The following SLCO3A1 variants were observed in gnomAD, a reference collection of about 807,000 sequenced individuals.
SLCO3A1 encodes the protein PGE1 transporter.
SLCO3A1 carries 27 observed loss-of-function variants against 63.1 expected under a neutral mutation model. The observed-to-expected ratio is 0.43, with a 90% CI of 0.32 to 0.59. The LOEUF is 0.59. SLCO3A1 is among the 20% of genes least tolerant of loss of function. SLCO3A1 has a pLI of 0.09. For missense variants in SLCO3A1, 773 were observed against 945.8 expected (o/e 0.82, Z 2.40); for synonymous variants, 473 against 409.9 (o/e 1.15, Z -1.86).
rs1248316415 is a variant in SLCO3A1, at chr15:91,880,391, C to CTGTGTGTGTG, written c.180+26304_180+26305insGTGTGTGTGT. On this transcript the variant is annotated intron_variant, in intron 1 of 9. Coordinates refer to ENST00000318445, the MANE Select transcript of SLCO3A1 (RefSeq NM_013272.4). ...TACCGGCACTCGTGCTTCTCTCTCT[C>CTGTGTGTGTG]TCTCTCTCTCTCTCTCTCTGTGTGT... Among the ~76,000 whole-genome samples the CTGTGTGTGTG allele has an allele frequency of 2.6e-3, 196 of 74,478 alleles. 2 individuals carry two copies. Among genetic ancestry groups the CTGTGTGTGTG allele is most frequent in the African/African-American group, 0.01 (179 of 17,264 alleles). 48.9% of individuals were successfully genotyped at this position (74,478 alleles called of 152,430 possible).
chr15:92,010,015 C>G (rs571960095), intron 2 of SLCO3A1, among the ~76,000 whole-genome samples: 1 of 152,170 alleles, frequency 6.6e-6, no homozygotes, highest in South Asian at 2.1e-4. Context: ...CTCCTCCCTG[C>G]AATTTCACCG....
rs2048473649 is a variant in SLCO3A1 at position 92,164,151 on chromosome 15, C to T, written c.*1016C>T. On this transcript the variant is annotated 3_prime_UTR_variant, in exon 10 of 10. Transcript: ENST00000318445. ...CCCTTCAAGTCACTAACACAGTTCT[C>T]TAGGCCGGATTTATTATGCTGGTTG... 2 of 984,784 alleles carry T rather than the reference C, an allele frequency of 2.0e-6. No homozygotes were observed. The highest frequency in any genetic ancestry group is 2.4e-6 in the Non-Finnish European group (2 of 829,434). The allele number at this position is 984,784 out of a possible 1,614,324, so 61.0% of individuals were successfully genotyped here. A position where few individuals can be genotyped will look rare whatever the true frequency, so the allele number is the denominator to read the frequency against.
intron 2 of SLCO3A1, among the ~76,000 whole-genome samples, chr15:91,919,122 G>T (rs537452557): frequency 2.0e-5 from 3 of 152,352 alleles, no homozygotes. Flanking sequence ...CGGGTCACCC[G>T]CATTGTGGGT....
chr15:92,162,701 CAG>C (rs1420711518), intron 9 of SLCO3A1, 53 bp from the exon 10 acceptor site: 22 of 1,551,838 alleles, frequency 1.4e-5, no homozygotes, highest in African/African-American at 4.1e-5. Flanking sequence ...GAGACAGGAA[CAG>C]GGGAGCACTG....
chr15:91,867,052 G>C (rs1897182827), intron 1 of SLCO3A1, among the ~76,000 whole-genome samples: 1 of 152,190 alleles, frequency 6.6e-6, no homozygotes, highest in Non-Finnish European at 1.5e-5. Flanking sequence ...GAAGGGGAGG[G>C]CTGGAAACCC....
chr15:92,036,436 A>G (rs2046728311), intron 2 of SLCO3A1, among the ~76,000 whole-genome samples: 1 of 149,362 alleles, frequency 6.7e-6, no homozygotes, highest in Non-Finnish European at 1.5e-5. Flanking sequence ...GCCAAGAATT[A>G]AGGGACTCTA....
intron 2 of SLCO3A1, among the ~76,000 whole-genome samples, chr15:91,949,825 C>T (rs184802443): frequency 3.3e-5 from 5 of 151,940 alleles, no homozygotes; most frequent in South Asian, 2.1e-4. Flanking sequence ...AGTGAGACCC[C>T]GGCTTTAATA....
intron 2 of SLCO3A1, among the ~76,000 whole-genome samples, chr15:92,025,358 C>A (rs1424006914): frequency 2.0e-5 from 3 of 152,122 alleles, no homozygotes; most frequent in African/African-American, 7.2e-5. Flanking sequence ...GTGGATGATA[C>A]TTCATAGGGT....
chr15:92,135,230 C>T (rs569296944), intron 7 of SLCO3A1, among the ~76,000 whole-genome samples: 1 of 152,258 alleles, frequency 6.6e-6, no homozygotes, highest in East Asian at 1.9e-4. Flanking sequence ...TTCACCTTTC[C>T]GTGATCTCCC....
intron 2 of SLCO3A1, among the ~76,000 whole-genome samples, chr15:92,047,099 C>T (rs190365230): frequency 0.018 from 56 of 3,198 alleles, 4 homozygotes; most frequent in African/African-American, 0.049. Context: ...AATATATATA[C>T]AAATATATAT....
intron 7 of SLCO3A1, among the ~76,000 whole-genome samples, chr15:92,136,297 G>C (rs1001444074): frequency 6.6e-6 from 1 of 152,116 alleles, no homozygotes; most frequent in Non-Finnish European, 1.5e-5. Flanking sequence ...CGCTTCCTTT[G>C]TACAATTAAT....
chr15:92,035,611 A>G (rs1370732999), intron 2 of SLCO3A1, among the ~76,000 whole-genome samples: 2 of 151,624 alleles, frequency 1.3e-5, no homozygotes, highest in Non-Finnish European at 3.0e-5. Flanking sequence ...CAGTTTAGAG[A>G]GGGAGGACAA....
downstream of SLCO3A1, among the ~76,000 whole-genome samples, chr15:92,168,076 C>T (rs1313073003): frequency 6.6e-6 from 1 of 152,228 alleles, no homozygotes; most frequent in East Asian, 1.9e-4. Flanking sequence ...GGTCCCTACC[C>T]TCCAAGAACC....
chr15:92,132,559 A>T (rs1406719711), intron 7 of SLCO3A1, among the ~76,000 whole-genome samples: 2 of 143,492 alleles, frequency 1.4e-5, no homozygotes, highest in African/African-American at 5.0e-5. Context: ...GAAGCATGTT[A>T]GTATGCTGTG....
At chr15:92,157,320 C>T (rs1322826071) in intron 9 of SLCO3A1, 1 of 152,022 alleles carries the variant, frequency 6.6e-6, no homozygotes. Context: ...CTTCAAAAGA[C>T]ACAGTTACTA....
chr15:91,860,815 A>C lies in SLCO3A1; in HGVS notation c.180+6727A>C, dbSNP rs963822105. Among the ~76,000 whole-genome samples, 1 of 152,086 alleles carries C rather than the reference A, an allele frequency of 6.6e-6. No homozygotes were observed. The highest frequency in any genetic ancestry group is 1.5e-5 in the Non-Finnish European group (1 of 68,008). On this transcript the variant is annotated intron_variant, in intron 1 of 9. Transcript: ENST00000318445. The surrounding 1 kb of genome is among the most constrained non-coding windows in gnomAD (Gnocchi z 5.5). ...CCTTCACCTCGTGTTCTCTTGCAGT[A>C]TTAAGTGGACTCTGGCAAGCAGGTC...
At chr15:92,151,605 C>CA (rs2048306887) in intron 9 of SLCO3A1, among the ~76,000 whole-genome samples, 1 of 152,188 alleles carries the variant, frequency 6.6e-6, no homozygotes, top group Non-Finnish European at 1.5e-5. Context: ...GTTCACCACC[C>CA]AAGGTCCTTC....
chr15:91,904,898 C>T (rs950960663), intron 1 of SLCO3A1, among the ~76,000 whole-genome samples: 1 of 152,200 alleles, frequency 6.6e-6, no homozygotes, highest in East Asian at 1.9e-4. Flanking sequence ...TTGATAGTTA[C>T]AATTTAACCC....
Position 91,916,197 on chromosome 15 carries a change from C to A in SLCO3A1, c.385C>A (p.Leu129Met). The A allele has an allele frequency of 6.3e-7, 1 of 1,594,102 alleles. No individual in the cohort carries two copies. The highest frequency in any genetic ancestry group is 2.3e-5 in the East Asian group (1 of 43,810). ...GCTGCTGTCGGCGCTGCCCGAGTTC[C>A]TGACCCACCAGTACAAGTACGAGGC... is the stretch of plus-strand genomic sequence containing the variant. ...GALLSALPEFLTHQYKYEAGE... is the reference protein window; with the variant it reads ...GALLSALPEFMTHQYKYEAGE... The change falls in exon 2 of 10, where the codon CTG becomes ATG. Residue 129 changes from leucine to methionine, a missense_variant. Coordinates refer to ENST00000318445, the MANE Select transcript of SLCO3A1 (RefSeq NM_013272.4). This position sits in a 1 kb window ranked among gnomAD's most constrained non-coding sequence, Gnocchi z 6.2.
Sources: allele counts gnomAD v4.1 joint callset (sites outside exome capture counted in the v4.1 genomes callset), GRCh38; gene constraint gnomAD v4.1.1; non-coding constraint Gnocchi (gnomAD v3.1); transcripts MANE v1.5; gene names NCBI Gene and HGNC (gene_info 2026-07-23, HGNC 2026-07-21).